The following RARB variants were observed in gnomAD, a reference collection of about 807,000 sequenced individuals.
RARB encodes the protein retinoic acid receptor beta.
A neutral mutation model predicts 51.9 loss-of-function variants in RARB; 17 were observed. That is an observed-to-expected ratio of 0.33 (90% CI 0.22 to 0.49). The LOEUF (loss-of-function observed/expected upper bound fraction) is 0.49, where lower values mean the gene tolerates loss of function less well. Among genes scored for constraint, RARB ranks in the 20% least tolerant of loss-of-function variants. The probability of loss-of-function intolerance (pLI) is 0.99; values close to 1 mark genes in which losing one functional copy is unlikely to be tolerated. For missense variants in RARB, 369 were observed against 550.8 expected (o/e 0.67, Z 3.30); for synonymous variants, 215 against 195.4 (o/e 1.10, Z -0.84).
intron 4 of RARB, among the ~76,000 whole-genome samples, chr3:25,576,931 A>G (rs923152301): frequency 1.3e-5 from 2 of 152,180 alleles, no homozygotes; most frequent in African/African-American, 4.8e-5. Context: ...TAGTGCCTAG[A>G]TAATGTGTGT....
chr3:25,145,832 C>T lies in RARB; in HGVS notation c.-280+13624C>T, dbSNP rs1700179891. Among the ~76,000 whole-genome samples the T allele has an allele frequency of 8.1e-5, 3 of 36,910 alleles. No individual in the cohort carries two copies. In the South Asian group the frequency reaches 4.4e-3, roughly 54 times the overall value. 24.2% of individuals were successfully genotyped at this position (36,910 alleles called of 152,430 possible). A position where few individuals can be genotyped will look rare whatever the true frequency, so the allele number is the denominator to read the frequency against. ...CCAACATGGTAAAACCCCATCTCTA[C>T]TAAAAATACAAAAAAAAATATTAAC... is the stretch of plus-strand genomic sequence containing the variant. On this transcript the variant is annotated intron_variant, in intron 4 of 11. Coordinates refer to the RARB transcript ENST00000383772.
rs376862861 is a variant in RARB at position 25,265,761 on chromosome 3, C to T, written c.178+91186C>T. ...TGCTAGGGTTACAGCCGTGAACCACCATGGCTGTCCAACAAATTTTTAATC... is the reference window on the plus strand; with the variant it reads ...TGCTAGGGTTACAGCCGTGAACCACTATGGCTGTCCAACAAATTTTTAATC... On this transcript the variant is annotated intron_variant, in intron 5 of 11. Transcript: ENST00000383772. Among the ~76,000 whole-genome samples, 245 of 152,260 alleles carry T rather than the reference C, an allele frequency of 1.6e-3. 1 individual carries two copies. Among genetic ancestry groups the T allele is most frequent in the African/African-American group, 5.7e-3 (237 of 41,554 alleles).
intron 2 of RARB, among the ~76,000 whole-genome samples, chr3:25,492,434 C>A (rs907871848): frequency 1.2e-4 from 19 of 152,138 alleles, no homozygotes; most frequent in Non-Finnish European, 4.4e-5. Flanking sequence ...GGCTTCACGC[C>A]CTTCCTGGGA....
At chr3:24,845,638 T>G (rs1182511950) in intron 1 of RARB, among the ~76,000 whole-genome samples, 2 of 152,230 alleles carry the variant, frequency 1.3e-5, no homozygotes, top group Non-Finnish European at 2.9e-5. Flanking sequence ...CAGTCATTGC[T>G]ACACTCATGT....
At chr3:25,197,744 C>G (rs1275988077) in intron 5 of RARB, among the ~76,000 whole-genome samples, 1 of 151,488 alleles carries the variant, frequency 6.6e-6, no homozygotes, top group African/African-American at 2.4e-5. Flanking sequence ...TGAAATATCT[C>G]TACAATTAAA....
intron 2 of RARB, among the ~76,000 whole-genome samples, chr3:24,902,534 G>A (rs1018720833): frequency 1.3e-5 from 2 of 152,094 alleles, no homozygotes; most frequent in Non-Finnish European, 2.9e-5. Context: ...TGATAAAAAC[G>A]GGTAATTTGG....
intron 1 of RARB, among the ~76,000 whole-genome samples, chr3:24,844,467 C>T (rs1297773783): frequency 6.6e-6 from 1 of 152,190 alleles, no homozygotes; most frequent in Non-Finnish European, 1.5e-5. Context: ...CTATCGGTTT[C>T]AAATTTCCAA....
At chr3:25,285,011 G>C (rs2125417963) in intron 5 of RARB, among the ~76,000 whole-genome samples, 1 of 152,278 alleles carries the variant, frequency 6.6e-6, no homozygotes, top group African/African-American at 2.4e-5. Flanking sequence ...TCTTGTGTTT[G>C]TTCATCTATT....
chr3:24,878,575 CTG>C (rs1398185608), intron 2 of RARB, among the ~76,000 whole-genome samples: 2 of 152,084 alleles, frequency 1.3e-5, no homozygotes, highest in African/African-American at 4.8e-5. Flanking sequence ...ACAGGTAATT[CTG>C]TGTTATCAGG....
intron 4 of RARB, among the ~76,000 whole-genome samples, chr3:25,168,398 G>A (rs7623185): frequency 0.47 from 71,129 of 151,610 alleles, 17,430 homozygotes; most frequent in East Asian, 0.68. Context: ...CTAATTTTTT[G>A]CATTTTTAGT....
At chr3:25,200,266 A>G (rs1194692516) in intron 5 of RARB, among the ~76,000 whole-genome samples, 4 of 149,540 alleles carry the variant, frequency 2.7e-5, no homozygotes, top group Non-Finnish European at 4.4e-5. Context: ...GTCTGTTCAT[A>G]TCATTTGCCC....
intron 5 of RARB, among the ~76,000 whole-genome samples, chr3:25,193,038 C>T (rs572849321): frequency 2.0e-4 from 31 of 152,038 alleles, no homozygotes; most frequent in Non-Finnish European, 4.1e-4. Context: ...AACTTTCATT[C>T]ACTGTTTAAC....
chr3:25,263,545 A>C (rs184769194), intron 5 of RARB, among the ~76,000 whole-genome samples: 5 of 152,194 alleles, frequency 3.3e-5, no homozygotes, highest in Non-Finnish European at 7.3e-5. Flanking sequence ...TAAGAAGAGA[A>C]CTGAGTGAAT....
At position 25,047,473 on chromosome 3, in the gene RARB, T is replaced by C. The variant is rs138253353; in HGVS notation, c.-379-12652T>C. 1.8e-4 allele frequency among the ~76,000 whole-genome samples: 28 copies of C among 152,280 alleles called. No individual in the cohort carries two copies. In the East Asian group the frequency reaches 3.9e-3, roughly 21 times the overall value. ...ACCTGTGAAAAAGAAAAGGAGTTTT[T>C]AAAGGATTCACTCAGACTCTACATC... On this transcript the variant is annotated intron_variant, in intron 2 of 11. Transcript: ENST00000383772.
chr3:25,494,263 A>ACGCGCGCG (rs1559433126), intron 2 of RARB, among the ~76,000 whole-genome samples: 3 of 151,560 alleles, frequency 2.0e-5, no homozygotes, highest in East Asian at 1.9e-4. Context: ...GCACACACAC[A>ACGCGCGCG]CACACACACA....
chr3:25,108,451 C>T (rs1699546822), intron 3 of RARB, among the ~76,000 whole-genome samples: 1 of 152,140 alleles, frequency 6.6e-6, no homozygotes, highest in South Asian at 2.1e-4. Context: ...ATCTTGATGT[C>T]ATCTGTATCC....
intron 1 of RARB, among the ~76,000 whole-genome samples, chr3:25,430,860 T>G (rs12633265): frequency 0.011 from 1,636 of 152,224 alleles, 65 homozygotes; most frequent in East Asian, 0.08. Context: ...ACCCCAACTT[T>G]AGGTTAAATG....
chr3:24,988,985 C>T (rs1696853928), intron 2 of RARB, among the ~76,000 whole-genome samples: 6 of 152,092 alleles, frequency 3.9e-5, no homozygotes, highest in Admixed American at 3.9e-4. Flanking sequence ...GCCACCAAGC[C>T]CGGCTAATTT....
At chr3:25,168,326 T>C (rs1176140031) in intron 4 of RARB, among the ~76,000 whole-genome samples, 8 of 152,014 alleles carry the variant, frequency 5.3e-5, no homozygotes, top group African/African-American at 1.9e-4. Context: ...GTTCAAGCAA[T>C]TGATTCTCCT....
Sources: allele counts gnomAD v4.1 joint callset (sites outside exome capture counted in the v4.1 genomes callset), GRCh38; gene constraint gnomAD v4.1.1; transcripts MANE v1.5; gene names NCBI Gene and HGNC (gene_info 2026-07-23, HGNC 2026-07-21).